Variants in SIK3 observed in about 807,000 individuals in gnomAD.
The protein encoded by SIK3 is SIK family kinase 3.
A neutral mutation model predicts 144.2 loss-of-function variants in SIK3; 28 were observed. The ratio of observed to expected loss-of-function variants is 0.19; its 90% CI spans 0.14 to 0.27. The LOEUF (loss-of-function observed/expected upper bound fraction) is 0.27, where lower values mean the gene tolerates loss of function less well. Ranked by LOEUF, SIK3 falls within the 10% of genes least tolerant of loss-of-function variation. SIK3 has a pLI of 1.00. For missense variants in SIK3, 1,319 were observed against 1,776.0 expected, an observed-to-expected ratio of 0.74 and a Z score of 4.62; for synonymous variants, 686 against 676.3, an observed-to-expected ratio of 1.01 and a Z score of -0.22.
chr11:116,904,815 T>C (rs1945940607), intron 4 of SIK3: 1 of 158,142 alleles, frequency 6.3e-6, no homozygotes, highest in Non-Finnish European at 1.5e-5. Context: ...TGAGCTCACA[T>C]GATCCTCCCA....
intron 1 of SIK3, among the ~76,000 whole-genome samples, chr11:116,984,284 T>C (rs1163396655): frequency 6.6e-6 from 1 of 152,206 alleles, no homozygotes; most frequent in East Asian, 1.9e-4. Context: ...TAGTAGGCAC[T>C]GGCAGTAGGC....
chr11:117,044,706 C>A (rs1051264854), intron 1 of SIK3, among the ~76,000 whole-genome samples: 3 of 151,844 alleles, frequency 2.0e-5, no homozygotes, highest in Non-Finnish European at 4.4e-5. Flanking sequence ...CATAGGGAGA[C>A]CCCGTCTTTA....
At position 116,875,901 on chromosome 11, in the gene SIK3, G is replaced by A. The variant is rs1187892161; in HGVS notation, c.1204C>T (p.Arg402Ter). 1 of 1,610,194 alleles carries A rather than the reference G, an allele frequency of 6.2e-7. No individual in the cohort carries two copies. Among genetic ancestry groups the A allele is most frequent in the Non-Finnish European group, 8.5e-7 (1 of 1,179,004 alleles). The change falls in exon 9 of 25, where the codon CGA becomes TGA. Residue 402 changes from arginine (R) to a stop codon, truncating the protein, a stop_gained. Transcript: ENST00000445177. LOFTEE classifies it high-confidence loss of function. ...ACTGGTGCTTGAAAGGCCAGGGCTC[G>A]GGGCATGCTAGGAAGTGCTCCGAGA... is the stretch of plus-strand genomic sequence containing the variant. ...LRLGALPSMP[R>*]ALAFQAPVNI...
chr11:116,922,512 C>G (rs1287415028), intron 4 of SIK3, among the ~76,000 whole-genome samples: 1 of 151,956 alleles, frequency 6.6e-6, no homozygotes. Flanking sequence ...AAGGGGCGGG[C>G]ATGGTGGCTC....
At chr11:116,857,143 A>C (rs959629767) in intron 21 of SIK3, 2 of 152,314 alleles carry the variant, frequency 1.3e-5, no homozygotes, top group Non-Finnish European at 2.9e-5. Flanking sequence ...GGCCCTTATG[A>C]TGCTGTAATA....
At position 116,856,707 on chromosome 11, in the gene SIK3, C is replaced by T. The variant is rs368936685; in HGVS notation, c.3655+1103G>A. 9.0e-4 allele frequency among the ~76,000 whole-genome samples: 137 copies of T among 152,298 alleles called. No individual in the cohort carries two copies. The Middle Eastern group carries it at 0.014, about 15-fold the overall frequency. On this transcript the variant is annotated intron_variant, in intron 21 of 24. Coordinates refer to ENST00000445177, the MANE Select transcript of SIK3 (RefSeq NM_001366686.3). ...AATTGGCATTTCAGGCAACAATTCC[C>T]CCCTAAGAGCGCATAATGAGTACAA...
intron 6 of SIK3, among the ~76,000 whole-genome samples, chr11:116,887,860 C>T (rs1441277623): frequency 1.3e-5 from 2 of 152,114 alleles, no homozygotes; most frequent in African/African-American, 2.4e-5. Context: ...TCAAATAAAT[C>T]CTCTTTTAAA....
At chr11:116,916,757 G>A (rs1946662737) in intron 4 of SIK3, among the ~76,000 whole-genome samples, 1 of 149,930 alleles carries the variant, frequency 6.7e-6, no homozygotes, top group African/African-American at 2.4e-5. Context: ...TGATCCGCCC[G>A]CCTCGGCCTC....
intron 4 of SIK3, among the ~76,000 whole-genome samples, chr11:116,909,226 T>G (rs1160024301): frequency 6.6e-6 from 1 of 152,034 alleles, no homozygotes; most frequent in Non-Finnish European, 1.5e-5. Context: ...TGTTTAAGGA[T>G]GGACCCACTA....
chr11:116,975,187 A>T (rs1949903051), intron 1 of SIK3, among the ~76,000 whole-genome samples: 1 of 150,722 alleles, frequency 6.6e-6, no homozygotes, highest in Non-Finnish European at 1.5e-5. Context: ...TAGTTATTTA[A>T]AAAAAAAAGC....
intron 1 of SIK3, among the ~76,000 whole-genome samples, chr11:117,040,963 T>A (rs1482432562): frequency 6.6e-6 from 1 of 150,990 alleles, no homozygotes; most frequent in Non-Finnish European, 1.5e-5. Context: ...TTTTTTTTTT[T>A]TTTTAGCAAG....
At chr11:116,995,157 C>T (rs920857540) in intron 1 of SIK3, among the ~76,000 whole-genome samples, 1 of 151,534 alleles carries the variant, frequency 6.6e-6, no homozygotes, top group African/African-American at 2.4e-5. Flanking sequence ...ATCCCAGCTA[C>T]TCAGGAGGCT....
chr11:117,014,148 T>C (rs1951419379), intron 1 of SIK3, among the ~76,000 whole-genome samples: 1 of 151,016 alleles, frequency 6.6e-6, no homozygotes, highest in Non-Finnish European at 1.5e-5. Flanking sequence ...CCCAGTCCAG[T>C]CAGTGTTCTT....
At chr11:117,091,553 A>G (rs1173840581) in intron 1 of SIK3, among the ~76,000 whole-genome samples, 1 of 152,102 alleles carries the variant, frequency 6.6e-6, no homozygotes, top group Non-Finnish European at 1.5e-5. Flanking sequence ...CAGACTGTGG[A>G]GAAGACAGAA....
At chr11:117,086,307 C>A (rs1350204793) in intron 1 of SIK3, among the ~76,000 whole-genome samples, 1 of 152,234 alleles carries the variant, frequency 6.6e-6, no homozygotes, top group Non-Finnish European at 1.5e-5. Flanking sequence ...CCTTGACTAT[C>A]TTTTCACCAT....
chr11:116,875,098 G>T, intron 11 of SIK3, 60 bp downstream of exon 11: 1 of 1,365,788 alleles, frequency 7.3e-7, no homozygotes, highest in South Asian at 1.2e-5. Context: ...GGTAGACACT[G>T]AAAGTCAGGT....
chr11:116,897,380 T>A (rs1170623143), intron 4 of SIK3, 63 bp from the exon 5 acceptor site: 1 of 1,395,292 alleles, frequency 7.2e-7, no homozygotes, highest in African/African-American at 1.5e-5. Context: ...GAGCAAACAC[T>A]AGTCTCTAGT....
At chr11:116,894,539 C>A (rs1289903072) in intron 6 of SIK3, among the ~76,000 whole-genome samples, 1 of 152,192 alleles carries the variant, frequency 6.6e-6, no homozygotes, top group Non-Finnish European at 1.5e-5. Flanking sequence ...TCTTTCATAT[C>A]AAATCCAACA....
At chr11:116,966,496 A>G (rs1481818246) in intron 1 of SIK3, among the ~76,000 whole-genome samples, 2 of 152,188 alleles carry the variant, frequency 1.3e-5, no homozygotes, top group African/African-American at 2.4e-5. Context: ...GCTTGAAGGT[A>G]ATTTTACACA....
Sources: allele counts gnomAD v4.1 joint callset (sites outside exome capture counted in the v4.1 genomes callset), GRCh38; gene constraint gnomAD v4.1.1; transcripts MANE v1.5; gene names NCBI Gene and HGNC (gene_info 2026-07-23, HGNC 2026-07-21).